The following AFDN variants were observed in gnomAD, a reference collection of about 807,000 sequenced individuals.
AFDN encodes the protein afadin, adherens junction formation factor.
In AFDN, 68 loss-of-function variants were observed where a neutral mutation model predicts 216.6. That is an observed-to-expected ratio of 0.31 (90% CI 0.26 to 0.38). The LOEUF (loss-of-function observed/expected upper bound fraction) is 0.38, where lower values mean the gene tolerates loss of function less well. AFDN is among the 10% of genes least tolerant of loss of function. AFDN has a pLI of 1.00. For missense variants in AFDN, 2,136 were observed against 2,342.0 expected, an observed-to-expected ratio of 0.91 and a Z score of 1.82; for synonymous variants, 868 against 853.7, an observed-to-expected ratio of 1.02 and a Z score of -0.29.
Position 167,915,315 on chromosome 6 carries a change from G to A in AFDN, c.2447G>A (p.Gly816Glu), listed in dbSNP as rs1397515005. 1.9e-6 allele frequency: 3 copies of A among 1,614,106 alleles called. No homozygotes were observed. The highest frequency in any genetic ancestry group is 2.7e-5 in the African/African-American group (2 of 74,944). The change falls in exon 19 of 34, where the codon GGG (glycine) becomes GAG (glutamate). Residue 816 changes from glycine to glutamate, a missense_variant. By Grantham distance (98) the Gly-to-Glu change is moderately conservative. Transcript: ENST00000683244. ...FNRLVTDPDSGLCSHYWGAII... is the reference protein window; with the variant it reads ...FNRLVTDPDSELCSHYWGAII... ...AGATTGGTGACCGACCCAGATTCGG[G>A]GCTGTGCTCCCATTACTGGGGTGCG...
intron 1 of AFDN, among the ~76,000 whole-genome samples, chr6:167,849,973 T>G (rs534351715): frequency 4.7e-4 from 71 of 152,296 alleles, no homozygotes; most frequent in Middle Eastern, 6.8e-3. Context: ...AGCTTACCTT[T>G]TTGTTTTTCT....
chr6:167,912,733 T>C (rs1000425566), intron 15 of AFDN, among the ~76,000 whole-genome samples: 2 of 152,206 alleles, frequency 1.3e-5, no homozygotes, highest in Non-Finnish European at 1.5e-5. Context: ...CTTTTCCTTA[T>C]TGATGTGAAC....
intron 1 of AFDN, among the ~76,000 whole-genome samples, chr6:167,854,135 G>A (rs1412259707): frequency 6.6e-6 from 1 of 151,896 alleles, no homozygotes; most frequent in African/African-American, 2.4e-5. Context: ...CAATTTGGGT[G>A]TTGAAAAATG....
intron 1 of AFDN, among the ~76,000 whole-genome samples, chr6:167,845,898 A>T (rs972771196): frequency 9.2e-5 from 14 of 152,204 alleles, no homozygotes; most frequent in African/African-American, 3.4e-4. Context: ...GAAACTTAAC[A>T]ATCATGACGG....
In AFDN at chr6:167,897,642, CTTTTTTT is replaced by C. The variant is rs57383020; in HGVS notation, c.1318-544_1318-538del. 7.5e-4 allele frequency among the ~76,000 whole-genome samples: 67 copies of C among 89,732 alleles called. 1 individual carries two copies. Among genetic ancestry groups the C allele is most frequent in the East Asian group, 6.7e-3 (20 of 3,006 alleles). 58.9% of individuals were successfully genotyped at this position (89,732 alleles called of 152,430 possible). A position where few individuals can be genotyped will look rare whatever the true frequency, so the allele number is the denominator to read the frequency against. ...AATATTGGTTAAGATGACTGTATGC[CTTTTTTT>C]TTTTTTTTTTTTTTTTTTGAGACAG... On this transcript the variant is annotated intron_variant, in intron 10 of 33. Coordinates refer to ENST00000683244, the MANE Select transcript of AFDN (RefSeq NM_001386888.1).
intron 1 of AFDN, among the ~76,000 whole-genome samples, chr6:167,860,294 C>T (rs1783414067): frequency 6.7e-6 from 1 of 148,448 alleles, no homozygotes; most frequent in South Asian, 2.1e-4. Flanking sequence ...TTAAGTTTTG[C>T]TTTCCAGCAT....
intron 12 of AFDN, among the ~76,000 whole-genome samples, chr6:167,906,808 G>GT (rs1451524038): frequency 6.6e-6 from 1 of 152,154 alleles, no homozygotes; most frequent in Admixed American, 6.5e-5. Context: ...TCTTCATGTT[G>GT]TACATATTTT....
chr6:167,964,776 T>A, intron 31 of AFDN: 2 of 1,066,204 alleles, frequency 1.9e-6, no homozygotes, highest in Non-Finnish European at 2.3e-6. Flanking sequence ...TGAACAAATT[T>A]ACAATTCATT....
intron 1 of AFDN, among the ~76,000 whole-genome samples, chr6:167,853,266 C>T (rs1381879773): frequency 2.0e-5 from 3 of 151,998 alleles, no homozygotes; most frequent in Non-Finnish European, 4.4e-5. Context: ...ACTGTATAAA[C>T]ACAACTACCT....
At chr6:167,932,492 A>G (rs1793435340) in intron 23 of AFDN, 1 of 152,236 alleles carries the variant, frequency 6.6e-6, no homozygotes, top group African/African-American at 2.4e-5. Flanking sequence ...AAGTCTTTTT[A>G]AAGTTTAAAA....
chr6:167,937,495 G>C (rs1047322531), intron 23 of AFDN, among the ~76,000 whole-genome samples: 5 of 152,072 alleles, frequency 3.3e-5, no homozygotes, highest in Admixed American at 3.3e-4. Flanking sequence ...CAGTCCTCCC[G>C]CCACAGCCTC....
At chr6:167,896,543 G>C (rs923701951) in intron 9 of AFDN, among the ~76,000 whole-genome samples, 9 of 152,214 alleles carry the variant, frequency 5.9e-5, no homozygotes, top group Non-Finnish European at 1.2e-4. Flanking sequence ...TGTCTTTGAT[G>C]AGCTTCATAT....
Position 167,843,313 on chromosome 6 carries a change from TGAG to T in AFDN, c.105+16077_105+16079del, listed in dbSNP as rs575791143. ...TTCCTGACCTCTTCTCCCTACAATA[TGAG>T]AAGAAAAAGTTGCTGTAGGGAAATC... On this transcript the variant is annotated intron_variant, in intron 1 of 33. Coordinates refer to ENST00000683244, the MANE Select transcript of AFDN (RefSeq NM_001386888.1). 4.6e-5 allele frequency among the ~76,000 whole-genome samples: 7 copies of T among 152,246 alleles called. No homozygotes were observed. In the South Asian group the frequency reaches 1.5e-3, roughly 32 times the overall value.
At chr6:167,929,844 C>A (rs1159117282) in intron 23 of AFDN, among the ~76,000 whole-genome samples, 1 of 152,142 alleles carries the variant, frequency 6.6e-6, no homozygotes, top group Admixed American at 6.5e-5. Flanking sequence ...ATACCTTCCA[C>A]AGTGAATAAT....
At chr6:167,857,149 T>G (rs1180345684) in intron 1 of AFDN, among the ~76,000 whole-genome samples, 2 of 152,040 alleles carry the variant, frequency 1.3e-5, no homozygotes, top group Non-Finnish European at 2.9e-5. Flanking sequence ...GCTGTGTAAT[T>G]CCATTCGTAG....
intron 30 of AFDN, among the ~76,000 whole-genome samples, chr6:167,960,117 C>T (rs907112012): frequency 2.0e-5 from 3 of 152,152 alleles, no homozygotes; most frequent in African/African-American, 7.2e-5. Flanking sequence ...TTAAGAGATT[C>T]TCGTTTTTCT....
chr6:167,906,905 C>T (rs1318948316), intron 12 of AFDN, among the ~76,000 whole-genome samples: 1 of 152,208 alleles, frequency 6.6e-6, no homozygotes, highest in African/African-American at 2.4e-5. Flanking sequence ...GTGTGTGTTA[C>T]CAGCTTTGCC....
intron 9 of AFDN, among the ~76,000 whole-genome samples, chr6:167,896,033 A>G (rs1409271380): frequency 6.6e-6 from 1 of 152,108 alleles, no homozygotes; most frequent in Non-Finnish European, 1.5e-5. Flanking sequence ...CCTCATTTTT[A>G]GTTAAGGTAA....
chr6:167,849,702 A>G (rs565877942), intron 1 of AFDN, among the ~76,000 whole-genome samples: 2 of 152,322 alleles, frequency 1.3e-5, no homozygotes, highest in East Asian at 1.9e-4. Context: ...AGATTCTCAA[A>G]AACAGGAGTT....
Sources: allele counts gnomAD v4.1 joint callset (sites outside exome capture counted in the v4.1 genomes callset), GRCh38; gene constraint gnomAD v4.1.1; transcripts MANE v1.5; gene names NCBI Gene and HGNC (gene_info 2026-07-23, HGNC 2026-07-21).